Variants in DMD observed in about 807,000 individuals in gnomAD.
DMD encodes mutant dystrophin.
A neutral mutation model predicts 330.1 loss-of-function variants in DMD; 63 were observed. That is an observed-to-expected ratio of 0.19 (90% confidence interval 0.16 to 0.24). The LOEUF (loss-of-function observed/expected upper bound fraction) is 0.24. DMD is among the 10% of genes least tolerant of loss of function. DMD has a pLI of 1.00. For missense variants in DMD, 3,344 were observed against 2,684.1 expected (o/e 1.25, Z -5.43); for synonymous variants, 1,223 against 959.8 (o/e 1.27, Z -5.07).
At chrX:31,467,804 T>C (rs2066967980) in intron 59 of DMD, among the ~76,000 whole-genome samples, 1 of 111,847 alleles carries the variant, frequency 8.9e-6, no homozygotes, top group African/African-American at 3.3e-5. Context: ...CTGGGCTTTT[T>C]TTGGTTGGTA....
chrX:33,113,600 C>A (rs867178030), intron 1 of DMD, among the ~76,000 whole-genome samples: 120 of 100,751 alleles, frequency 1.2e-3, no homozygotes, highest in African/African-American at 4.2e-3. Flanking sequence ...GCCCCCCCCC[C>A]CAAAAAAATC....
intron 44 of DMD, among the ~76,000 whole-genome samples, chrX:32,078,382 A>G (rs1266362853): frequency 8.9e-6 from 1 of 112,016 alleles, no homozygotes; most frequent in African/African-American, 3.2e-5. Context: ...CTACTCAATT[A>G]ATGACTGGTC....
intron 55 of DMD, among the ~76,000 whole-genome samples, chrX:31,603,918 G>A (rs925267024): frequency 1.8e-5 from 2 of 111,550 alleles, no homozygotes; most frequent in Non-Finnish European, 3.8e-5. Context: ...CTTGACCTTC[G>A]CATTCTTGAC....
chrX:31,905,737 AT>A (rs1227618437), intron 47 of DMD, among the ~76,000 whole-genome samples: 1 of 111,292 alleles, frequency 9.0e-6, no homozygotes, highest in African/African-American at 3.3e-5. Context: ...GAAAATAGAG[AT>A]GTAGTGTACT....
At chrX:31,806,734 T>C (rs2092303661) in intron 50 of DMD, among the ~76,000 whole-genome samples, 1 of 112,647 alleles carries the variant, frequency 8.9e-6, no homozygotes, top group Non-Finnish European at 1.9e-5. Flanking sequence ...GGTTTTACTA[T>C]AATGCTTCAG....
intron 59 of DMD, among the ~76,000 whole-genome samples, chrX:31,476,385 ATG>A (rs754890255): frequency 0.046 from 4,201 of 91,709 alleles, 95 homozygotes; most frequent in East Asian, 0.076. Context: ...CTAACTATGT[ATG>A]TGTGTGTGTG....
intron 7 of DMD, among the ~76,000 whole-genome samples, chrX:32,768,905 A>T (rs2073294810): frequency 1.8e-5 from 2 of 111,939 alleles, no homozygotes; most frequent in Admixed American, 9.5e-5. Context: ...GTAGACAGGC[A>T]TGGCTATATA....
chrX:32,720,928 T>A (rs1428258468), intron 7 of DMD, among the ~76,000 whole-genome samples: 1 of 111,798 alleles, frequency 8.9e-6, no homozygotes, highest in Admixed American at 9.6e-5. Flanking sequence ...GTATTCAACT[T>A]ATACATTTTC....
At chrX:31,384,702 T>C (rs913870093) in intron 60 of DMD, among the ~76,000 whole-genome samples, 2 of 111,574 alleles carry the variant, frequency 1.8e-5, no homozygotes, top group Non-Finnish European at 3.8e-5. Context: ...CTGTCCATGA[T>C]GTGGAAAGCT....
chrX:32,462,042 G>A (rs982062684), intron 25 of DMD, among the ~76,000 whole-genome samples: 4 of 110,109 alleles, frequency 3.6e-5, no homozygotes, highest in African/African-American at 1.3e-4. Context: ...TTACTTAGCA[G>A]TAACCAAAGA....
intron 6 of DMD, among the ~76,000 whole-genome samples, chrX:32,815,512 T>C (rs1302614140): frequency 2.3e-4 from 14 of 59,639 alleles, no homozygotes; most frequent in African/African-American, 1.0e-3. Context: ...TATATATATA[T>C]ATATATATAC....
chrX:32,864,163 G>T (rs72626051), intron 2 of DMD, among the ~76,000 whole-genome samples: 1 of 109,860 alleles, frequency 9.1e-6, no homozygotes, highest in Non-Finnish European at 1.9e-5. Flanking sequence ...AGAAAGATGC[G>T]AGTTACACAC....
chrX:33,177,531 C>T (rs1251330786), intron 1 of DMD, among the ~76,000 whole-genome samples: 11 of 110,239 alleles, frequency 1.0e-4, no homozygotes, highest in Admixed American at 8.7e-4. Flanking sequence ...ATTACAGGTG[C>T]GCACCACCAT....
At chrX:33,020,900 T>C (rs1021303956) in intron 1 of DMD, among the ~76,000 whole-genome samples, 1 of 110,960 alleles carries the variant, frequency 9.0e-6, no homozygotes, top group Non-Finnish European at 1.9e-5. Context: ...TGATTATTCC[T>C]TCCTTTGCAG....
At chrX:32,336,394 C>T (rs901238441) in intron 41 of DMD, among the ~76,000 whole-genome samples, 12 of 111,839 alleles carry the variant, frequency 1.1e-4, no homozygotes, top group Middle Eastern at 4.7e-3. Flanking sequence ...CTTCCAAGAG[C>T]ATGTATATTT....
intron 1 of DMD, among the ~76,000 whole-genome samples, chrX:33,033,862 G>C (rs1431301365): frequency 8.9e-6 from 1 of 112,046 alleles, no homozygotes; most frequent in Non-Finnish European, 1.9e-5. Context: ...ACAAACAATA[G>C]ATTTTGAGGT....
At chrX:32,684,050 C>T (rs1312927632) in intron 9 of DMD, among the ~76,000 whole-genome samples, 1 of 106,374 alleles carries the variant, frequency 9.4e-6, no homozygotes, top group African/African-American at 3.6e-5. Flanking sequence ...CACACACACA[C>T]ACACAGTGTG....
At chrX:31,193,874 T>C (rs1237226196) in intron 67 of DMD, among the ~76,000 whole-genome samples, 2 of 111,522 alleles carry the variant, frequency 1.8e-5, no homozygotes, top group Non-Finnish European at 3.8e-5. Flanking sequence ...AGAACTGGTC[T>C]GAACTCTTCA....
At chrX:32,766,779 C>T (rs1249446494) in intron 7 of DMD, among the ~76,000 whole-genome samples, 12 of 111,575 alleles carry the variant, frequency 1.1e-4, no homozygotes, top group Admixed American at 9.6e-4. Context: ...CAAATGTTCT[C>T]TCCACAAAAG....
Sources: gnomAD v4.1 joint callset for allele counts (sites outside exome capture counted in the v4.1 genomes callset) on GRCh38, gnomAD v4.1.1 for gene constraint, MANE v1.5 for transcripts, NCBI Gene and HGNC (gene_info 2026-07-23, HGNC 2026-07-21) for gene names.